Variants in HFM1 observed in about 807,000 individuals in gnomAD.
HFM1 encodes helicase for meiosis 1, also known as probable ATP-dependent DNA helicase HFM1.
A neutral mutation model predicts 192.1 loss-of-function variants in HFM1; 169 were observed. The observed-to-expected ratio is 0.88, with a 90% CI of 0.78 to 1.00. The LOEUF (loss-of-function observed/expected upper bound fraction) is 1.00, where lower values mean the gene tolerates loss of function less well. Among genes scored for constraint, HFM1 ranks in the 50% least tolerant of loss-of-function variants. The pLI is 0.00. For synonymous variants in HFM1, 525 were observed against 537.8 expected, an observed-to-expected ratio of 0.98 and a Z score of 0.33; for missense variants, 1,661 against 1,668.0, an observed-to-expected ratio of 1.00 and a Z score of 0.07.
chr1:91,262,806 A>G (rs1015698853), intron 36 of HFM1, among the ~76,000 whole-genome samples: 1 of 152,120 alleles, frequency 6.6e-6, no homozygotes, highest in African/African-American at 2.4e-5. Context: ...AAAAAGTACT[A>G]TTTTTAAGGG....
intron 30 of HFM1, among the ~76,000 whole-genome samples, chr1:91,310,204 AT>A (rs1295234622): frequency 1.3e-5 from 2 of 152,206 alleles, no homozygotes; most frequent in African/African-American, 4.8e-5. Context: ...GTTTAAAAAA[AT>A]CTTTACCATT....
At chr1:91,287,281 G>A (rs1668106784) in intron 30 of HFM1, among the ~76,000 whole-genome samples, 1 of 152,200 alleles carries the variant, frequency 6.6e-6, no homozygotes, top group South Asian at 2.1e-4. Flanking sequence ...TTTGAAGAGA[G>A]CAGTGGTTCT....
Position 91,307,181 on chromosome 1 carries a change from A to G in HFM1, c.3391+6168T>C, listed in dbSNP as rs143999190. The stretch of plus-strand genomic sequence containing the variant: ...GTTGATTTTTCTCTGTTGTATATTT[A>G]CATCCTATGTATCGCTGATTTCTGT... On this transcript the variant is annotated intron_variant, in intron 30 of 38. Coordinates refer to ENST00000370425, the MANE Select transcript of HFM1 (RefSeq NM_001017975.6). Among the ~76,000 whole-genome samples the G allele has an allele frequency of 7.2e-4, 110 of 152,198 alleles. No homozygotes were observed. The East Asian group carries it at 0.02, about 28-fold the overall frequency.
intron 16 of HFM1, 52 bp from the exon 17 acceptor site, chr1:91,351,695 A>AGTC (rs1223662242): frequency 1.1e-6 from 1 of 909,830 alleles, no homozygotes; most frequent in African/African-American, 1.7e-5. Context: ...TCTTGGTAGC[A>AGTC]GTCCTCTTCA....
At chr1:91,367,742 C>A (rs183749379) in intron 13 of HFM1, among the ~76,000 whole-genome samples, 21 of 152,302 alleles carry the variant, frequency 1.4e-4, no homozygotes, top group Admixed American at 5.2e-4. Context: ...CAATGGAACA[C>A]AGCTGGACGG....
At chr1:91,381,444 A>T (rs1661542892) in intron 6 of HFM1, among the ~76,000 whole-genome samples, 1 of 152,190 alleles carries the variant, frequency 6.6e-6, no homozygotes, top group African/African-American at 2.4e-5. Flanking sequence ...ACCTAATACC[A>T]AATCTCTTTG....
At chr1:91,320,572 AT>A (rs1651942634) in intron 23 of HFM1, among the ~76,000 whole-genome samples, 1 of 152,220 alleles carries the variant, frequency 6.6e-6, no homozygotes. Flanking sequence ...ATATTTATTT[AT>A]ATTAAAAAGC....
intron 20 of HFM1, among the ~76,000 whole-genome samples, chr1:91,340,277 T>C (rs1213369231): frequency 6.6e-6 from 1 of 152,216 alleles, no homozygotes; most frequent in Non-Finnish European, 1.5e-5. Flanking sequence ...CCCAAAGTGC[T>C]GGGATTACAG....
intron 30 of HFM1, among the ~76,000 whole-genome samples, chr1:91,290,113 C>T (rs408155): frequency 0.7 from 106,186 of 151,892 alleles, 37,373 homozygotes; most frequent in East Asian, 0.83. Flanking sequence ...ATGTAAAGAC[C>T]ATCGAGACTA....
intron 30 of HFM1, among the ~76,000 whole-genome samples, chr1:91,294,516 T>C (rs1357680340): frequency 6.6e-6 from 1 of 152,218 alleles, no homozygotes; most frequent in Non-Finnish European, 1.5e-5. Context: ...GGGCCAACCA[T>C]CTATTTTTGT....
At chr1:91,296,251 T>C (rs1231116366) in intron 30 of HFM1, among the ~76,000 whole-genome samples, 1 of 152,176 alleles carries the variant, frequency 6.6e-6, no homozygotes, top group Non-Finnish European at 1.5e-5. Context: ...GGACATCCAG[T>C]TGATCTAGCA....
At chr1:91,302,569 G>A (rs1648960150) in intron 30 of HFM1, among the ~76,000 whole-genome samples, 1 of 152,138 alleles carries the variant, frequency 6.6e-6, no homozygotes, top group African/African-American at 2.4e-5. Context: ...TTAAGACAAT[G>A]TGGCACATAT....
intron 30 of HFM1, among the ~76,000 whole-genome samples, chr1:91,285,592 T>C (rs12021856): frequency 6.6e-6 from 1 of 152,290 alleles, no homozygotes; most frequent in East Asian, 1.9e-4. Flanking sequence ...TGTGTATCTT[T>C]ATCCAGGGAT....
At chr1:91,307,691 C>T (rs968560846) in intron 30 of HFM1, among the ~76,000 whole-genome samples, 12 of 152,156 alleles carry the variant, frequency 7.9e-5, no homozygotes, top group South Asian at 2.1e-4. Flanking sequence ...TGGGCTCAAG[C>T]GATCTGCCCA....
At chr1:91,394,551 C>T (rs189061971) in intron 3 of HFM1, 149 bp from the exon 4 acceptor site, 48 of 561,430 alleles carry the variant, frequency 8.5e-5, no homozygotes, top group African/African-American at 6.1e-4. Flanking sequence ...ATACCATATA[C>T]GGTTTTAAAA....
At chr1:91,296,906 A>T (rs951184098) in intron 30 of HFM1, among the ~76,000 whole-genome samples, 1 of 152,166 alleles carries the variant, frequency 6.6e-6, no homozygotes, top group Non-Finnish European at 1.5e-5. Flanking sequence ...TAACTGAGGT[A>T]CCGGGTTCAT....
chr1:91,277,033 G>C lies in HFM1; in HGVS notation c.3421C>G (p.Arg1141Gly). The change falls in exon 31 of 39, where the codon CGA becomes GGA. Residue 1141 changes from arginine (R) to glycine (G), a missense_variant. Arg to Gly is a moderately radical substitution (Grantham distance 125, BLOSUM62 -2). Coordinates refer to ENST00000370425, the MANE Select transcript of HFM1 (RefSeq NM_001017975.6). ...CTTTTACAAAGATGATTGCATTCTC[G>C]GTTCCCAGGTTTTTTGCTGGCAGTC... ...GTTASKKPGNRECNHLCKSKH... is the reference protein window; with the variant it reads ...GTTASKKPGNGECNHLCKSKH... 3.8e-6 allele frequency: 6 copies of C among 1,595,398 alleles called. No individual in the cohort carries two copies. The highest frequency in any genetic ancestry group is 5.1e-6 in the Non-Finnish European group (6 of 1,170,770).
chr1:91,296,199 G>A (rs417209), intron 30 of HFM1, among the ~76,000 whole-genome samples: 152,067 of 152,320 alleles, frequency 1, 75,908 homozygotes, highest in East Asian at 1. Flanking sequence ...GATTGCAGGC[G>A]TGAGCCACCG....
chr1:91,336,948 G>A (rs538578510), intron 20 of HFM1, among the ~76,000 whole-genome samples: 1 of 152,334 alleles, frequency 6.6e-6, no homozygotes, highest in East Asian at 1.9e-4. Flanking sequence ...GATGGAGCTG[G>A]AAGCCGTTAT....
Sources: gnomAD v4.1 joint callset for allele counts (sites outside exome capture counted in the v4.1 genomes callset) on GRCh38, gnomAD v4.1.1 for gene constraint, MANE v1.5 for transcripts, NCBI Gene and HGNC (gene_info 2026-07-23, HGNC 2026-07-21) for gene names.